PDZD9: variants seen among roughly 807,000 people sequenced by gnomAD.
PDZD9 encodes PDZ domain containing 9.
A neutral mutation model predicts 16.3 loss-of-function variants in PDZD9; 13 were observed. That is an observed-to-expected ratio of 0.80 (90% CI 0.52 to 1.27). PDZD9 has a LOEUF of 1.27. Among genes scored for constraint, PDZD9 ranks in the 50% most tolerant of loss-of-function variants. The pLI is 0.00. For synonymous variants in PDZD9, 120 were observed against 111.0 expected, an observed-to-expected ratio of 1.08 and a Z score of -0.51; for missense variants, 288 against 310.9, an observed-to-expected ratio of 0.93 and a Z score of 0.55.
the PDZD9 span, among the ~76,000 whole-genome samples, chr16:21,959,065 G>A: frequency 6.6e-6 from 1 of 152,146 alleles, no homozygotes; most frequent in Non-Finnish European, 1.5e-5. Flanking sequence ...AATCTTTGCT[G>A]GTGGAGGGTC....
rs1346357240 is a variant in PDZD9, at chr16:21,996,623, G to A, written c.32-122C>T. 7 of 975,506 alleles carry A rather than the reference G, an allele frequency of 7.2e-6. No individual in the cohort carries two copies. The African/African-American group carries it at 8.2e-5, about 11-fold the overall frequency. 60.4% of individuals were successfully genotyped at this position (975,506 alleles called of 1,614,324 possible). The stretch of plus-strand genomic sequence containing the variant: ...TTAATCCCTGTTCCTCAGATTCCTT[G>A]TCAGTAAAATGAGGATAAAAATGTT... On this transcript the variant is annotated intron_variant, in intron 1 of 3. Coordinates refer to ENST00000424898, the MANE Select transcript of PDZD9 (RefSeq NM_001363519.1).
intron 1 of PDZD9, among the ~76,000 whole-genome samples, chr16:22,000,222 A>G (rs1245109956): frequency 1.3e-5 from 2 of 151,882 alleles, no homozygotes; most frequent in South Asian, 2.1e-4. Context: ...AAATACAGTG[A>G]CCCATATGCT....
At chr16:21,990,747 C>A (rs1016422130) in intron 2 of PDZD9, among the ~76,000 whole-genome samples, 1 of 152,218 alleles carries the variant, frequency 6.6e-6, no homozygotes, top group Non-Finnish European at 1.5e-5. Flanking sequence ...GCTTGGCATT[C>A]TGCTTAATTA....
the PDZD9 span, chr16:21,976,713 GTCAAACCATCATAAGTTAA>G: frequency 6.6e-6 from 1 of 152,598 alleles, no homozygotes; most frequent in African/African-American, 2.4e-5. Context: ...ACAAACATAA[GTCAAACCATCATAAGTTAA>G]GTTAGGGACC....
downstream of PDZD9, among the ~76,000 whole-genome samples, chr16:21,981,088 A>T (rs1334955570): frequency 6.6e-6 from 1 of 152,220 alleles, no homozygotes; most frequent in African/African-American, 2.4e-5. Context: ...TAGCAGTTTC[A>T]TATGATCCAA....
chr16:21,971,610 CTACCGTGGAGGTA>C, the PDZD9 span: 2 of 1,613,998 alleles, frequency 1.2e-6, no homozygotes, highest in Admixed American at 3.3e-5. Context: ...CAAAGGCCAA[CTACCGTGGAGGTA>C]AGCATTTCAT....
At chr16:21,978,364 G>A in the PDZD9 span, among the ~76,000 whole-genome samples, 2 of 152,160 alleles carry the variant, frequency 1.3e-5, no homozygotes, top group African/African-American at 4.8e-5. Context: ...AAACGTTTGA[G>A]GTTCAAATAA....
intron 1 of PDZD9, among the ~76,000 whole-genome samples, 192 bp downstream of exon 1, chr16:22,000,825 A>AATGATG (rs10611346): frequency 0.022 from 3,148 of 140,570 alleles, 98 homozygotes; most frequent in African/African-American, 0.065. Flanking sequence ...CTCCTTCTCA[A>AATGATG]ATGATGATGA....
At chr16:21,997,629 C>T (rs1007065616) in intron 1 of PDZD9, among the ~76,000 whole-genome samples, 2 of 152,230 alleles carry the variant, frequency 1.3e-5, no homozygotes, top group Middle Eastern at 3.4e-3. Context: ...GGGGAAAATC[C>T]GAAGGCCTTG....
At chr16:21,993,687 A>G (rs149889742) in intron 2 of PDZD9, among the ~76,000 whole-genome samples, 4 of 152,334 alleles carry the variant, frequency 2.6e-5, no homozygotes, top group Admixed American at 6.5e-5. Flanking sequence ...AAAACTTCCC[A>G]GATGATTCTA....
At chr16:21,971,958 C>T in the PDZD9 span, 1 of 1,614,158 alleles carries the variant, frequency 6.2e-7, no homozygotes, top group Non-Finnish European at 8.5e-7. Context: ...CAGTCTTGTC[C>T]ATGCTGCTTT....
chr16:21,984,137 A>C lies in PDZD9; in HGVS notation c.*130T>G. The C allele has an allele frequency of 9.8e-7, 1 of 1,020,252 alleles. No homozygotes were observed. The highest frequency in any genetic ancestry group is 1.4e-6 in the Non-Finnish European group (1 of 707,634). 63.2% of individuals were successfully genotyped at this position (1,020,252 alleles called of 1,614,324 possible). A position where few individuals can be genotyped will look rare whatever the true frequency, so the allele number is the denominator to read the frequency against. ...GTTGAAGAACATCTCTAAAGGCTTT[A>C]TAACGCAGTCATAAGAGAAGAGAAT... On this transcript the variant is annotated 3_prime_UTR_variant, in exon 4 of 4. Coordinates refer to ENST00000424898, the MANE Select transcript of PDZD9 (RefSeq NM_001363519.1).
intron 2 of PDZD9, 61 bp from the exon 3 acceptor site, chr16:21,988,852 T>C: frequency 1.5e-6 from 2 of 1,372,142 alleles, no homozygotes; most frequent in Non-Finnish European, 2.0e-6. Flanking sequence ...TATATTGATT[T>C]CTGGCTTTAT....
downstream of PDZD9, chr16:21,983,054 T>C: frequency 1.1e-5 from 17 of 1,596,564 alleles, no homozygotes; most frequent in Non-Finnish European, 1.3e-5. Flanking sequence ...ATTTTTATTT[T>C]TGTTAATTTT....
At chr16:21,984,735 A>C in intron 3 of PDZD9, 75 bp from the exon 4 acceptor site, 1 of 1,226,594 alleles carries the variant, frequency 8.2e-7, no homozygotes, top group Non-Finnish European at 1.1e-6. Flanking sequence ...AAGATGCCTT[A>C]TAACTTGCTT....
At chr16:21,970,436 C>T in the PDZD9 span, among the ~76,000 whole-genome samples, 3 of 152,232 alleles carry the variant, frequency 2.0e-5, no homozygotes, top group African/African-American at 7.2e-5. Flanking sequence ...GATTTCTCCA[C>T]ATCCTCACCA....
chr16:21,983,106 T>G (rs903866733), downstream of PDZD9: 18 of 1,613,902 alleles, frequency 1.1e-5, no homozygotes, highest in Non-Finnish European at 1.5e-5. Context: ...GAAGTTTGTT[T>G]CTGGCCAGAA....
chr16:21,967,019 T>A, the PDZD9 span, among the ~76,000 whole-genome samples: 1 of 152,162 alleles, frequency 6.6e-6, no homozygotes, highest in South Asian at 2.1e-4. Context: ...CCCTTTTTTT[T>A]AATAAAAGGT....
rs1388869412 is a variant in PDZD9 at position 21,996,537 on chromosome 16, C to G, written c.32-36G>C. 2.0e-6 allele frequency: 3 copies of G among 1,507,140 alleles called. No individual in the cohort carries two copies. The East Asian group carries it at 7.4e-5, about 37-fold the overall frequency. 93.4% of individuals were successfully genotyped at this position (1,507,140 alleles called of 1,614,324 possible). On this transcript the variant is annotated intron_variant, in intron 1 of 3. Transcript: ENST00000424898. ...GAGGGGAACTTATTTCAGTCCTTCA[C>G]CAAGACAGAAGCATGGCCATACCTA...
Sources: gnomAD v4.1 joint callset for allele counts (sites outside exome capture counted in the v4.1 genomes callset) on GRCh38, gnomAD v4.1.1 for gene constraint, MANE v1.5 for transcripts, NCBI Gene and HGNC (gene_info 2026-07-23, HGNC 2026-07-21) for gene names.